The following CATSPERB variants were observed in gnomAD, a reference collection of about 807,000 sequenced individuals.
CATSPERB encodes catsper channel auxiliary subunit beta.
Under a neutral mutation model 128.3 loss-of-function variants are expected in CATSPERB, and 93 were observed. The ratio of observed to expected loss-of-function variants is 0.72; its 90% CI spans 0.61 to 0.86. CATSPERB has a LOEUF of 0.86. Among genes scored for constraint, CATSPERB ranks in the 40% least tolerant of loss-of-function variants. The pLI, the probability that CATSPERB is intolerant of heterozygous loss-of-function variation, is 0.00. For missense variants in CATSPERB, 1,153 were observed against 1,329.5 expected (o/e 0.87, Z 2.06); for synonymous variants, 381 against 448.8 (o/e 0.85, Z 1.91).
At chr14:91,619,027 TC>T in intron 19 of CATSPERB, among the ~76,000 whole-genome samples, 1 of 152,334 alleles carries the variant, frequency 6.6e-6, no homozygotes, top group East Asian at 1.9e-4. Flanking sequence ...ATTATTTACT[TC>T]CATCAAACTG....
At chr14:91,658,574 A>T (rs1894824092) in intron 15 of CATSPERB, among the ~76,000 whole-genome samples, 1 of 150,234 alleles carries the variant, frequency 6.7e-6, no homozygotes, top group African/African-American at 2.4e-5. Flanking sequence ...TAAAGGATAA[A>T]TTCTTGATGT....
intron 20 of CATSPERB, among the ~76,000 whole-genome samples, chr14:91,616,035 A>G (rs1893930235): frequency 6.6e-6 from 1 of 152,166 alleles, no homozygotes; most frequent in Admixed American, 6.5e-5. Context: ...GCATGCCACC[A>G]TGCCTGGCTA....
At chr14:91,583,782 C>CT (rs538890386) in intron 26 of CATSPERB, among the ~76,000 whole-genome samples, 1,903 of 149,706 alleles carry the variant, frequency 0.013, 12 homozygotes, top group South Asian at 0.042. Context: ...GATCTTACTC[C>CT]TTTTTTTTTT....
intron 17 of CATSPERB, among the ~76,000 whole-genome samples, chr14:91,628,129 G>T (rs909292749): frequency 6.6e-6 from 1 of 152,094 alleles, no homozygotes. Flanking sequence ...ATGCCAAAGT[G>T]GCATATTCTT....
chr14:91,690,317 C>T (rs11160024), intron 10 of CATSPERB, among the ~76,000 whole-genome samples: 11,325 of 152,148 alleles, frequency 0.074, 453 homozygotes, highest in Non-Finnish European at 0.086. Flanking sequence ...ATACCAATTC[C>T]ATTCTTTGAA....
At chr14:91,596,314 C>T (rs182369423) in intron 22 of CATSPERB, among the ~76,000 whole-genome samples, 4 of 152,258 alleles carry the variant, frequency 2.6e-5, no homozygotes, top group Admixed American at 2.6e-4. Context: ...CGCCATTCTC[C>T]TTCCTCAGCC....
intron 5 of CATSPERB, among the ~76,000 whole-genome samples, chr14:91,713,627 A>G (rs1229301206): frequency 6.6e-6 from 1 of 152,188 alleles, no homozygotes; most frequent in Admixed American, 6.5e-5. Flanking sequence ...CTTAAAGAGA[A>G]ACAGAAAACT....
chr14:91,626,359 CTT>C (rs71120179), intron 17 of CATSPERB, among the ~76,000 whole-genome samples: 2 of 76,836 alleles, frequency 2.6e-5, no homozygotes, highest in African/African-American at 1.0e-4. Context: ...AGAGGTGGGA[CTT>C]TTTTTTTTTT....
At chr14:91,626,567 G>A (rs1423036003) in intron 17 of CATSPERB, among the ~76,000 whole-genome samples, 1 of 151,918 alleles carries the variant, frequency 6.6e-6, no homozygotes, top group Non-Finnish European at 1.5e-5. Flanking sequence ...ATAAAAGAAT[G>A]AATTCAGTCC....
At chr14:91,602,776 T>C (rs995061740) in intron 22 of CATSPERB, among the ~76,000 whole-genome samples, 2 of 152,228 alleles carry the variant, frequency 1.3e-5, no homozygotes, top group African/African-American at 4.8e-5. Context: ...GGTTGCTTCA[T>C]CCATGTTGTC....
At chr14:91,706,274 A>G (rs760737121) in intron 6 of CATSPERB, among the ~76,000 whole-genome samples, 2 of 152,174 alleles carry the variant, frequency 1.3e-5, no homozygotes, top group Non-Finnish European at 2.9e-5. Context: ...TTCACCAGGA[A>G]GTCACTCCAG....
At chr14:91,618,422 G>A (rs1234517512) in intron 19 of CATSPERB, among the ~76,000 whole-genome samples, 4 of 152,112 alleles carry the variant, frequency 2.6e-5, no homozygotes, top group African/African-American at 4.8e-5. Context: ...AAGTTGCTGT[G>A]GTTCAAACGC....
intron 22 of CATSPERB, chr14:91,603,400 A>G (rs1438136728): frequency 6.2e-7 from 1 of 1,608,668 alleles, no homozygotes; most frequent in African/African-American, 1.3e-5. Flanking sequence ...TTAAAGGTAT[A>G]AGCAGCACGT....
At chr14:91,681,870 A>G (rs1361211064) in intron 11 of CATSPERB, among the ~76,000 whole-genome samples, 1 of 152,242 alleles carries the variant, frequency 6.6e-6, no homozygotes, top group Non-Finnish European at 1.5e-5. Flanking sequence ...TCAACCTGAT[A>G]CCTCAGACAA....
chr14:91,704,638 G>A lies in CATSPERB; in HGVS notation c.530C>T (p.Pro177Leu). 1.2e-6 allele frequency: 2 copies of A among 1,613,732 alleles called. No homozygotes were observed. The highest frequency in any genetic ancestry group is 1.7e-6 in the Non-Finnish European group (2 of 1,179,774). ...IPESEISKLY[P>L]HVVDLKVTKC... The stretch of plus-strand genomic sequence containing the variant: ...TGTCACTTTGAGATCTACCACATGT[G>A]GATATAATTTACTGATTTCACTTTC... The change falls in exon 7 of 27, where the codon CCA becomes CTA. Residue 177 changes from proline to leucine, a missense_variant. Coordinates refer to ENST00000256343, the MANE Select transcript of CATSPERB (RefSeq NM_024764.4).
intron 16 of CATSPERB, 22 bp from the exon 17 acceptor site, chr14:91,636,601 T>C: frequency 6.3e-7 from 1 of 1,582,720 alleles, no homozygotes; most frequent in African/African-American, 1.4e-5. Context: ...GAAAAGAAAA[T>C]ATTATATTTA....
intron 11 of CATSPERB, among the ~76,000 whole-genome samples, chr14:91,674,844 C>T (rs909280450): frequency 6.6e-6 from 1 of 152,170 alleles, no homozygotes; most frequent in Non-Finnish European, 1.5e-5. Flanking sequence ...GAGCATGACT[C>T]AAGATAGCCA....
At chr14:91,623,143 C>T (rs1261191962) in intron 18 of CATSPERB, among the ~76,000 whole-genome samples, 3 of 152,182 alleles carry the variant, frequency 2.0e-5, no homozygotes, top group African/African-American at 7.2e-5. Context: ...GATCCACCTG[C>T]CTCAGCCTCC....
rs45583931 is a variant in CATSPERB, at chr14:91,621,620, G to A, written c.2248C>T (p.Arg750Trp). The A allele has an allele frequency of 7.5e-6, 12 of 1,590,034 alleles. No homozygotes were observed. The highest frequency in any genetic ancestry group is 5.7e-5 in the South Asian group (5 of 87,900). Residue 750 changes from arginine to tryptophan, a missense_variant, in exon 19 of 27, where the codon CGG (arginine) becomes TGG (tryptophan). Arg to Trp is a moderately radical substitution (Grantham distance 101). Transcript: ENST00000256343. ...AAAACAAACTTACCTTTTGCATTCC[G>A]TATGACCTTAGCTTTTAAAACATAA... ...NSYVLKAKVI[R>W]NAKGFRMLEI...
Sources: allele counts gnomAD v4.1 joint callset (sites outside exome capture counted in the v4.1 genomes callset), GRCh38; gene constraint gnomAD v4.1.1; transcripts MANE v1.5; gene names NCBI Gene and HGNC (gene_info 2026-07-23, HGNC 2026-07-21).